SIPA1L1: variants seen among roughly 807,000 people sequenced by gnomAD.
The protein encoded by SIPA1L1 is signal-induced proliferation-associated 1-like protein 1.
In SIPA1L1, 26 loss-of-function variants were observed where a neutral mutation model predicts 162.7. The observed-to-expected ratio is 0.16, with a 90% CI of 0.12 to 0.22. The LOEUF is 0.22. SIPA1L1 is among the 10% of genes least tolerant of loss of function. SIPA1L1 has a pLI of 1.00. For synonymous variants in SIPA1L1, 829 were observed against 837.4 expected (o/e 0.99, Z 0.17); for missense variants, 1,874 against 2,241.0 (o/e 0.84, Z 3.31).
At chr14:71,393,196 C>A (rs1412601844) in intron 2 of SIPA1L1, among the ~76,000 whole-genome samples, 1 of 152,102 alleles carries the variant, frequency 6.6e-6, no homozygotes, top group Non-Finnish European at 1.5e-5. Flanking sequence ...TTTTGGATTA[C>A]CTTCTTTTAA....
At chr14:71,506,175 A>G (rs1295594191) in intron 2 of SIPA1L1, among the ~76,000 whole-genome samples, 6 of 152,118 alleles carry the variant, frequency 3.9e-5, no homozygotes, top group Non-Finnish European at 7.4e-5. Flanking sequence ...AATTTTCTAT[A>G]TATGTCTATT....
intron 2 of SIPA1L1, among the ~76,000 whole-genome samples, chr14:71,502,595 A>T (rs1021252146): frequency 1.3e-5 from 2 of 152,144 alleles, no homozygotes; most frequent in African/African-American, 2.4e-5. Context: ...TTTGGCTATT[A>T]GGGTAGAGTA....
intron 16 of SIPA1L1, among the ~76,000 whole-genome samples, chr14:71,707,109 C>T (rs955046370): frequency 6.6e-6 from 1 of 151,726 alleles, no homozygotes; most frequent in Non-Finnish European, 1.5e-5. Flanking sequence ...CTGCTCCTTC[C>T]TCTACCAAAA....
chr14:71,557,397 C>T (rs538717140), intron 4 of SIPA1L1, among the ~76,000 whole-genome samples: 1 of 152,222 alleles, frequency 6.6e-6, no homozygotes, highest in East Asian at 1.9e-4. Context: ...AAGTCCTTAC[C>T]ACCCATTAAT....
chr14:71,564,379 T>TA (rs1394401293), intron 4 of SIPA1L1, among the ~76,000 whole-genome samples: 1 of 151,160 alleles, frequency 6.6e-6, no homozygotes, highest in Admixed American at 6.6e-5. Flanking sequence ...TTTTTTTTTT[T>TA]AAACATACAT....
rs2085105147 is a variant in SIPA1L1, at chr14:71,734,522, G to GT, written c.5008+715dup. Among the ~76,000 whole-genome samples, 3 of 151,462 alleles carry GT rather than the reference G, an allele frequency of 2.0e-5. No homozygotes were observed. In the South Asian group the frequency reaches 6.3e-4, roughly 32 times the overall value. On this transcript the variant is annotated intron_variant, in intron 21 of 23. Transcript: ENST00000381232. ...CTTATAGCAGGTGATTTTTTTTTCT[G>GT]TTTTTGTTGTTGTTGTTGCTCTTAA...
intron 11 of SIPA1L1, among the ~76,000 whole-genome samples, chr14:71,672,003 C>A (rs1481054213): frequency 6.6e-6 from 1 of 151,440 alleles, no homozygotes; most frequent in African/African-American, 2.4e-5. Flanking sequence ...GTCCAGTCAT[C>A]TGGTGGTGGT....
At chr14:71,644,390 C>T (rs140482307) in intron 7 of SIPA1L1, among the ~76,000 whole-genome samples, 70 of 152,248 alleles carry the variant, frequency 4.6e-4, no homozygotes, top group African/African-American at 1.6e-3. Context: ...AAGCCCATGC[C>T]ACCATACCCA....
chr14:71,453,876 C>G (rs1375545922), intron 2 of SIPA1L1, among the ~76,000 whole-genome samples: 1 of 151,778 alleles, frequency 6.6e-6, no homozygotes, highest in Admixed American at 6.6e-5. Flanking sequence ...CTCGTGTAAT[C>G]CCATCTACTC....
chr14:71,497,848 C>A (rs2049909046), intron 2 of SIPA1L1: 1 of 152,200 alleles, frequency 6.6e-6, no homozygotes, highest in Non-Finnish European at 1.5e-5. Flanking sequence ...GCTTTCATTT[C>A]TCTAGGATAG....
intron 3 of SIPA1L1, among the ~76,000 whole-genome samples, chr14:71,520,172 A>G (rs2052174253): frequency 6.6e-6 from 1 of 152,148 alleles, no homozygotes; most frequent in African/African-American, 2.4e-5. Context: ...GAGGTACCAG[A>G]TATTTATATA....
intron 2 of SIPA1L1, among the ~76,000 whole-genome samples, chr14:71,509,252 A>G (rs2050917867): frequency 6.6e-6 from 1 of 151,710 alleles, no homozygotes; most frequent in South Asian, 2.1e-4. Flanking sequence ...TTCTGTTTTT[A>G]TTTTCTTATT....
At chr14:71,490,647 A>T (rs1286469702) in intron 2 of SIPA1L1, among the ~76,000 whole-genome samples, 1 of 152,212 alleles carries the variant, frequency 6.6e-6, no homozygotes, top group African/African-American at 2.4e-5. Flanking sequence ...AACATCTCCA[A>T]GATTGTTGTG....
At chr14:71,636,198 A>G (rs2041131542) in intron 7 of SIPA1L1, among the ~76,000 whole-genome samples, 2 of 152,258 alleles carry the variant, frequency 1.3e-5, no homozygotes, top group Non-Finnish European at 2.9e-5. Context: ...ACATCAACCA[A>G]TAGGATCTAA....
intron 2 of SIPA1L1, among the ~76,000 whole-genome samples, chr14:71,384,679 G>C (rs1014292701): frequency 6.6e-6 from 1 of 152,174 alleles, no homozygotes; most frequent in African/African-American, 2.4e-5. Flanking sequence ...TACTCAACAT[G>C]CCTTTTTTGG....
rs373885742 is a variant in SIPA1L1, at chr14:71,735,860, A to G, written c.5123+469A>G. ...TCACCAGGATGGTTAAGATGGTATG[A>G]AGGTGAAAAGTAGGCAATAACTGAG... is the stretch of plus-strand genomic sequence containing the variant. On this transcript the variant is annotated intron_variant, in intron 22 of 23. Coordinates refer to ENST00000381232, the MANE Select transcript of SIPA1L1 (RefSeq NM_001386936.1). Among the ~76,000 whole-genome samples, 3 of 152,324 alleles carry G rather than the reference A, an allele frequency of 2.0e-5. 1 individual carries two copies. The highest frequency in any genetic ancestry group is 7.2e-5 in the African/African-American group (3 of 41,554).
At chr14:71,438,968 G>T (rs1036768112) in intron 2 of SIPA1L1, among the ~76,000 whole-genome samples, 1 of 152,058 alleles carries the variant, frequency 6.6e-6, no homozygotes, top group African/African-American at 2.4e-5. Context: ...TAGGAGAGCA[G>T]GTTTTTTTTT....
chr14:71,626,337 A>G (rs539865677), intron 7 of SIPA1L1, among the ~76,000 whole-genome samples: 1 of 152,322 alleles, frequency 6.6e-6, no homozygotes, highest in South Asian at 2.1e-4. Flanking sequence ...ATGCTATTCT[A>G]TATGAACAGC....
At chr14:71,539,409 C>G (rs2054184701) in intron 4 of SIPA1L1, among the ~76,000 whole-genome samples, 1 of 152,138 alleles carries the variant, frequency 6.6e-6, no homozygotes, top group East Asian at 1.9e-4. Context: ...ATTAGGCCAG[C>G]TTGGAACTTT....
Sources: gnomAD v4.1 joint callset for allele counts (sites outside exome capture counted in the v4.1 genomes callset) on GRCh38, gnomAD v4.1.1 for gene constraint, MANE v1.5 for transcripts, NCBI Gene and HGNC (gene_info 2026-07-23, HGNC 2026-07-21) for gene names.